The following UBXN2B variants were observed in gnomAD, a reference collection of about 807,000 sequenced individuals.
The protein encoded by UBXN2B is UBX domain-containing protein 2B.
In UBXN2B, 19 loss-of-function variants were observed where a neutral mutation model predicts 37.5. That is an observed-to-expected ratio of 0.51 (90% CI 0.35 to 0.74). The LOEUF is 0.74. Among genes scored for constraint, UBXN2B ranks in the 30% least tolerant of loss-of-function variants. The pLI is 0.01. For missense variants in UBXN2B, 370 were observed against 393.2 expected (o/e 0.94, Z 0.50); for synonymous variants, 145 against 143.8 (o/e 1.01, Z -0.06).
At chr8:58,432,426 A>G (rs1198006871) in intron 3 of UBXN2B, among the ~76,000 whole-genome samples, 1 of 116,190 alleles carries the variant, frequency 8.6e-6, no homozygotes, top group East Asian at 2.8e-4. Flanking sequence ...TCTGTTGCCC[A>G]GGCTGGAGTG....
intron 2 of UBXN2B, among the ~76,000 whole-genome samples, chr8:58,422,657 TAAGA>T (rs1163718728): frequency 6.6e-6 from 1 of 152,196 alleles, no homozygotes; most frequent in Non-Finnish European, 1.5e-5. Flanking sequence ...CCAGTGGCAT[TAAGA>T]AAGAGTCACA....
intron 6 of UBXN2B, 98 bp from the exon 7 acceptor site, chr8:58,445,808 AG>A: frequency 9.6e-7 from 1 of 1,037,958 alleles, no homozygotes; most frequent in Non-Finnish European, 1.3e-6. Flanking sequence ...AAAGAAGTAT[AG>A]GAGACTCAAA....
intron 2 of UBXN2B, among the ~76,000 whole-genome samples, chr8:58,420,532 T>C (rs1011469791): frequency 2.6e-4 from 40 of 152,320 alleles, no homozygotes; most frequent in African/African-American, 9.4e-4. Context: ...ATATTAAATA[T>C]CTTTTAATAC....
chr8:58,416,682 A>G (rs894026325), intron 1 of UBXN2B, among the ~76,000 whole-genome samples, 168 bp from the exon 2 acceptor site: 8 of 152,328 alleles, frequency 5.3e-5, no homozygotes, highest in South Asian at 2.1e-4. Context: ...GTTCTATATA[A>G]TGAGATGCAG....
At chr8:58,419,224 T>G (rs2129603750) in intron 2 of UBXN2B, among the ~76,000 whole-genome samples, 1 of 152,330 alleles carries the variant, frequency 6.6e-6, no homozygotes, top group South Asian at 2.1e-4. Flanking sequence ...TTTTTCTACG[T>G]ATGATATCTT....
chr8:58,441,612 A>G (rs1255021203), intron 6 of UBXN2B, among the ~76,000 whole-genome samples: 5 of 152,086 alleles, frequency 3.3e-5, no homozygotes, highest in African/African-American at 1.2e-4. Flanking sequence ...TAGACTTGGA[A>G]TTGAAGAAGG....
intron 2 of UBXN2B, among the ~76,000 whole-genome samples, chr8:58,420,029 G>A (rs1807886143): frequency 6.6e-6 from 1 of 152,218 alleles, no homozygotes; most frequent in Non-Finnish European, 1.5e-5. Flanking sequence ...TGAAGACCAA[G>A]AAGATAAGTT....
At position 58,440,517 on chromosome 8, in the gene UBXN2B, A is replaced by G. The variant is rs190767268; in HGVS notation, c.671+747A>G. ...GAGCACAATTTAAAAACCAACGCAC[A>G]TGGCAGAATGTATGAGTGGTTTCCT... is the stretch of plus-strand genomic sequence containing the variant. On this transcript the variant is annotated intron_variant, in intron 6 of 7. Coordinates refer to ENST00000399598, the MANE Select transcript of UBXN2B (RefSeq NM_001077619.2). 5.3e-5 allele frequency among the ~76,000 whole-genome samples: 8 copies of G among 152,362 alleles called. No homozygotes were observed. The East Asian group carries it at 9.6e-4, about 18-fold the overall frequency.
At chr8:58,444,606 A>G (rs959928974) in intron 6 of UBXN2B, among the ~76,000 whole-genome samples, 13 of 152,156 alleles carry the variant, frequency 8.5e-5, no homozygotes, top group African/African-American at 3.1e-4. Context: ...TCAGTGTCTC[A>G]TGTCTTTTCT....
At position 58,450,438 on chromosome 8, in the gene UBXN2B, A is replaced by C. The variant is rs1448588705; in HGVS notation, c.*2887A>C. ...TATGTAACAAGGACTCCTTTCCTCC[A>C]CTTCTCCAGTAACATATTCCTCATT... On this transcript the variant is annotated 3_prime_UTR_variant, in exon 8 of 8. Coordinates refer to ENST00000399598, the MANE Select transcript of UBXN2B (RefSeq NM_001077619.2). The C allele has an allele frequency of 6.6e-6, 1 of 152,182 alleles. No individual in the cohort carries two copies. Among genetic ancestry groups the C allele is most frequent in the African/African-American group, 2.4e-5 (1 of 41,428 alleles). The allele number at this position is 152,182 out of a possible 1,614,324, so 9.4% of individuals were successfully genotyped here.
At chr8:58,425,827 A>G (rs535508721) in intron 2 of UBXN2B, 10 of 1,174,002 alleles carry the variant, frequency 8.5e-6, no homozygotes, top group East Asian at 4.7e-5. Flanking sequence ...CTCCACCAAC[A>G]TCGTATTTCA....
chr8:58,412,151 CATT>C (rs1446080305), intron 1 of UBXN2B, among the ~76,000 whole-genome samples: 5 of 152,276 alleles, frequency 3.3e-5, no homozygotes, highest in East Asian at 1.9e-4. Flanking sequence ...TTTTGTGTCT[CATT>C]ATAAGATTAT....
rs559743690 is a variant in UBXN2B, at chr8:58,444,065, C to G, written c.672-1842C>G. Among the ~76,000 whole-genome samples, 3 of 152,294 alleles carry G rather than the reference C, an allele frequency of 2.0e-5. No homozygotes were observed. In the South Asian group the frequency reaches 6.2e-4, roughly 32 times the overall value. The stretch of plus-strand genomic sequence containing the variant: ...GACATACACACATTTTCTTACCTAG[C>G]TTCCCCATCCTCCATTTTCTGTTTT... On this transcript the variant is annotated intron_variant, in intron 6 of 7. Coordinates refer to ENST00000399598, the MANE Select transcript of UBXN2B (RefSeq NM_001077619.2).
At chr8:58,430,936 G>A (rs1425355187) in intron 3 of UBXN2B, among the ~76,000 whole-genome samples, 2 of 152,122 alleles carry the variant, frequency 1.3e-5, no homozygotes, top group African/African-American at 2.4e-5. Context: ...GAGGTTTCAT[G>A]TACCTTTCAC....
At chr8:58,434,739 A>T in intron 5 of UBXN2B, 1 of 1,460,308 alleles carries the variant, frequency 6.8e-7, no homozygotes, top group Non-Finnish European at 9.1e-7. Context: ...GGCCCATTTT[A>T]AAATCTGATG....
At chr8:58,437,858 G>T (rs1254076400) in intron 5 of UBXN2B, among the ~76,000 whole-genome samples, 1 of 152,118 alleles carries the variant, frequency 6.6e-6, no homozygotes, top group Non-Finnish European at 1.5e-5. Context: ...TTGATAGAGA[G>T]ATTTGCATGA....
At chr8:58,428,162 A>C (rs1808152215) in intron 2 of UBXN2B, among the ~76,000 whole-genome samples, 1 of 152,204 alleles carries the variant, frequency 6.6e-6, no homozygotes, top group Non-Finnish European at 1.5e-5. Flanking sequence ...AATGGGAGCA[A>C]AAATCTTACC....
intron 6 of UBXN2B, among the ~76,000 whole-genome samples, chr8:58,445,401 T>A (rs1311717663): frequency 6.6e-6 from 1 of 152,240 alleles, no homozygotes; most frequent in African/African-American, 2.4e-5. Context: ...ATGAATTTAG[T>A]GCTGATAATA....
chr8:58,433,350 T>C, intron 4 of UBXN2B, 107 bp downstream of exon 4: 1 of 898,046 alleles, frequency 1.1e-6, no homozygotes, highest in Non-Finnish European at 1.7e-6. Context: ...TTTGTTACTT[T>C]TTAAAACATG....
Sources: gnomAD v4.1 joint callset for allele counts (sites outside exome capture counted in the v4.1 genomes callset) on GRCh38, gnomAD v4.1.1 for gene constraint, MANE v1.5 for transcripts, NCBI Gene and HGNC (gene_info 2026-07-23, HGNC 2026-07-21) for gene names.